TRPM1: variants seen among roughly 807,000 people sequenced by gnomAD.
The protein encoded by TRPM1 is TRPM1-203 APA Isoform, Intron 10.
Under a neutral mutation model 149.4 loss-of-function variants are expected in TRPM1, and 113 were observed. The observed-to-expected ratio is 0.76, with a 90% CI of 0.65 to 0.88. The LOEUF is 0.88. Among genes scored for constraint, TRPM1 ranks in the 40% least tolerant of loss-of-function variants. The probability of loss-of-function intolerance (pLI) is 0.00; values close to 1 mark genes in which losing one functional copy is unlikely to be tolerated. For missense variants in TRPM1, 1,976 were observed against 2,038.7 expected (o/e 0.97, Z 0.59); for synonymous variants, 741 against 759.5 (o/e 0.98, Z 0.40).
At chr15:31,158,365 C>T (rs527646769) in intron 1 of TRPM1, among the ~76,000 whole-genome samples, 26 of 152,092 alleles carry the variant, frequency 1.7e-4, no homozygotes, top group African/African-American at 5.5e-4. Context: ...CGGTGGCTCA[C>T]GCCTGTAATC....
intron 16 of TRPM1, among the ~76,000 whole-genome samples, chr15:31,043,620 C>G (rs753277008): frequency 6.6e-6 from 1 of 150,890 alleles, no homozygotes; most frequent in Non-Finnish European, 1.5e-5. Flanking sequence ...AAGCTACAGT[C>G]GCAGTGATAT....
chr15:31,032,668 C>T (rs760411362), intron 22 of TRPM1, 21 bp downstream of exon 22: 3 of 1,614,144 alleles, frequency 1.9e-6, no homozygotes, highest in Non-Finnish European at 2.5e-6. Context: ...CTCTGGATAC[C>T]CACAGGATGC....
At chr15:31,113,702 G>A (rs963718191) in intron 1 of TRPM1, among the ~76,000 whole-genome samples, 2 of 152,154 alleles carry the variant, frequency 1.3e-5, no homozygotes, top group Admixed American at 6.5e-5. Flanking sequence ...CCCATAGTTA[G>A]TTCATTCCGG....
At chr15:31,033,634 G>A (rs2033199002) in intron 21 of TRPM1, among the ~76,000 whole-genome samples, 1 of 152,198 alleles carries the variant, frequency 6.6e-6, no homozygotes, top group East Asian at 1.9e-4. Flanking sequence ...GGGGATCTCT[G>A]TGGTAGGATG....
At chr15:31,103,909 T>C (rs1430903466), upstream of TRPM1, among the ~76,000 whole-genome samples, 1 of 151,582 alleles carries the variant, frequency 6.6e-6, no homozygotes, top group East Asian at 1.9e-4. Context: ...GCTCACCTTG[T>C]ATTTCTGTTG....
rs76410365 is a variant in TRPM1 at position 31,037,366 on chromosome 15, T to C, written c.2571+345A>G. On this transcript the variant is annotated intron_variant, in intron 20 of 27. Transcript: ENST00000256552. The stretch of plus-strand genomic sequence containing the variant: ...AAAAATGGAATCTGTGAATTTGCTC[T>C]TTAAATCACTAGTCATCTCTGTTCA... Among the ~76,000 whole-genome samples the C allele has an allele frequency of 1.4e-3, 208 of 152,380 alleles. 2 individuals are homozygous for C. In the East Asian group the frequency reaches 0.037, roughly 27 times the overall value.
intron 27 of TRPM1, among the ~76,000 whole-genome samples, chr15:31,023,988 C>A (rs1595984940): frequency 2.0e-5 from 3 of 151,898 alleles, no homozygotes; most frequent in Admixed American, 2.0e-4. Flanking sequence ...CTAAAAGCAC[C>A]CTGCGTGGAG....
At chr15:31,098,650 C>A (rs1371820188) in intron 1 of TRPM1, among the ~76,000 whole-genome samples, 2 of 152,150 alleles carry the variant, frequency 1.3e-5, no homozygotes, top group African/African-American at 4.8e-5. Context: ...CTCACCAAGC[C>A]TGAAGAATTT....
At chr15:31,061,640 A>G in intron 9 of TRPM1, 126 bp from the exon 10 acceptor site, 1 of 789,788 alleles carries the variant, frequency 1.3e-6, no homozygotes, top group South Asian at 1.5e-5. Flanking sequence ...ACAGTTTCAA[A>G]GCAAGTGCTG....
chr15:31,076,998 A>C lies in TRPM1; in HGVS notation c.4-14T>G, dbSNP rs752047086. On this transcript the variant is annotated splice_polypyrimidine_tract_variant and intron_variant, in intron 2 of 27. Transcript: ENST00000256552. ...AGATTTCTGACCCTGGAAGAGAGAGAGAAGTGGATATTGGACCAATACATT... is the reference window on the plus strand; with the variant it reads ...AGATTTCTGACCCTGGAAGAGAGAGCGAAGTGGATATTGGACCAATACATT... 6.3e-7 allele frequency: 1 copy of C among 1,580,184 alleles called. No individual in the cohort carries two copies. The highest frequency in any genetic ancestry group is 8.7e-7 in the Non-Finnish European group (1 of 1,149,660).
intron 3 of TRPM1, among the ~76,000 whole-genome samples, chr15:31,070,974 G>A (rs2034522304): frequency 6.6e-6 from 1 of 152,174 alleles, no homozygotes; most frequent in South Asian, 2.1e-4. Flanking sequence ...GGCCCATTGG[G>A]CCATAACCCG....
chr15:31,038,183 G>C lies in TRPM1; in HGVS notation c.2317-17C>G. Reference sequence around the variant, plus strand: ...CATGATAACCTACGGAACATAAATTGATTTTTTAAGCTGTGGCAATTCTAG... The same window carrying C: ...CATGATAACCTACGGAACATAAATTCATTTTTTAAGCTGTGGCAATTCTAG... On this transcript the variant is annotated splice_polypyrimidine_tract_variant and intron_variant, in intron 18 of 27. Transcript: ENST00000256552. 6.2e-7 allele frequency: 1 copy of C among 1,613,486 alleles called. No homozygotes were observed. The highest frequency in any genetic ancestry group is 8.5e-7 in the Non-Finnish European group (1 of 1,179,664).
Position 31,062,702 on chromosome 15 carries a change from T to A in TRPM1, c.966A>T (p.Gly322=), listed in dbSNP as rs1437607097. ...GCTCCCTGAGGGACTCATTTATTAT[T>A]CTGTTCAAAGAAAATGCAAGAGAAC... is the stretch of plus-strand genomic sequence containing the variant. ...SFAHKYCEEG[G]IINESLREQL... Residue 322 remains glycine, a splice_region_variant and synonymous_variant, in exon 9 of 28, where the codon GGA becomes GGT. Coordinates refer to ENST00000256552, the MANE Select transcript of TRPM1 (RefSeq NM_001252024.2). 6.2e-7 allele frequency: 1 copy of A among 1,613,916 alleles called. No homozygotes were observed. Among genetic ancestry groups the A allele is most frequent in the Non-Finnish European group, 8.5e-7 (1 of 1,179,986 alleles).
chr15:31,158,909 T>C (rs2036411332), intron 1 of TRPM1, among the ~76,000 whole-genome samples: 1 of 152,146 alleles, frequency 6.6e-6, no homozygotes, highest in Non-Finnish European at 1.5e-5. Context: ...CAAGTCTGGG[T>C]CTGTTTAGTA....
At chr15:31,018,911 C>T (rs1001555651) in intron 27 of TRPM1, among the ~76,000 whole-genome samples, 1 of 152,252 alleles carries the variant, frequency 6.6e-6, no homozygotes, top group African/African-American at 2.4e-5. Context: ...CCACCTTGGC[C>T]TCCCAAAGTG....
intron 1 of TRPM1, among the ~76,000 whole-genome samples, chr15:31,133,737 A>T (rs1211758154): frequency 6.6e-6 from 1 of 152,100 alleles, no homozygotes; most frequent in African/African-American, 2.4e-5. Context: ...AAAGGACACA[A>T]TAGACAATGG....
chr15:31,125,727 C>G (rs2035940794), intron 1 of TRPM1, among the ~76,000 whole-genome samples: 1 of 27,754 alleles, frequency 3.6e-5, no homozygotes, highest in South Asian at 1.8e-3. Flanking sequence ...GAGACTCCGT[C>G]TCAAAAAAAA....
intron 27 of TRPM1, among the ~76,000 whole-genome samples, chr15:31,009,932 T>A (rs114602670): frequency 0.013 from 1,965 of 152,330 alleles, 38 homozygotes; most frequent in African/African-American, 0.045. Flanking sequence ...TTTCTATTAG[T>A]TTCCAGAGCC....
At chr15:31,050,658 C>G in intron 11 of TRPM1, 76 bp from the exon 12 acceptor site, 1 of 1,524,206 alleles carries the variant, frequency 6.6e-7, no homozygotes, top group Non-Finnish European at 9.1e-7. Flanking sequence ...CATTGACCCT[C>G]CCACCTCTGT....
Sources: gnomAD v4.1 joint callset for allele counts (sites outside exome capture counted in the v4.1 genomes callset) on GRCh38, gnomAD v4.1.1 for gene constraint, MANE v1.5 for transcripts, NCBI Gene and HGNC (gene_info 2026-07-23, HGNC 2026-07-21) for gene names.